The following MAN1B1 variants were observed in gnomAD, a reference collection of about 807,000 sequenced individuals.
MAN1B1 encodes the protein mannosidase alpha class 1B member 1.
A neutral mutation model predicts 75.5 loss-of-function variants in MAN1B1; 66 were observed. The observed-to-expected ratio is 0.87, with a 90% confidence interval of 0.72 to 1.07. The LOEUF is 1.07. Among genes scored for constraint, MAN1B1 ranks in the 50% least tolerant of loss-of-function variants. The pLI is 0.00. For missense variants in MAN1B1, 973 were observed against 912.5 expected (o/e 1.07, Z -0.85); for synonymous variants, 453 against 382.8 (o/e 1.18, Z -2.14).
At chr9:137,095,530 G>T (rs895850894) in intron 3 of MAN1B1, among the ~76,000 whole-genome samples, 1 of 152,134 alleles carries the variant, frequency 6.6e-6, no homozygotes, top group African/African-American at 2.4e-5. Flanking sequence ...ACCAGCCTGG[G>T]CAACATAAGG....
At position 137,107,428 on chromosome 9, in the gene MAN1B1, G is replaced by A. The variant is rs557278057; in HGVS notation, c.1745G>A (p.Arg582His). Residue 582 changes from arginine (R) to histidine (H), a missense_variant, in exon 11 of 13, where the codon CGT becomes CAT. By Grantham distance (29) the Arg-to-His change is conservative. Transcript: ENST00000371589. ...VHFNLYPQPGRRDVEVKPADR... is the reference protein window; with the variant it reads ...VHFNLYPQPGHRDVEVKPADR... The stretch of plus-strand genomic sequence containing the variant: ...TTCAACCTTTACCCCCAGCCGGGCC[G>A]TCGGGACGTGGAGGTCAAGGTGGGC... The A allele has an allele frequency of 4.8e-5, 77 of 1,613,422 alleles. No homozygotes were observed. The highest frequency in any genetic ancestry group is 5.5e-5 in the Non-Finnish European group (65 of 1,179,990).
At chr9:137,107,838 T>A (rs1349024102) in intron 12 of MAN1B1, 176 bp downstream of exon 12, 2 of 799,212 alleles carry the variant, frequency 2.5e-6, no homozygotes, top group Admixed American at 4.4e-5. Flanking sequence ...GGCATCCCCA[T>A]CCCCACTGAG....
At chr9:137,102,493 G>C in intron 8 of MAN1B1, 1 of 412,646 alleles carries the variant, frequency 2.4e-6, no homozygotes, top group Non-Finnish European at 4.7e-6. Flanking sequence ...TGTTGCAGGC[G>C]TGCAGGTCAG....
At chr9:137,087,689 G>A in intron 1 of MAN1B1, 1 of 404,700 alleles carries the variant, frequency 2.5e-6, no homozygotes, top group East Asian at 5.9e-5. Flanking sequence ...GGCTACATCT[G>A]TGGGAGTCGC....
intron 8 of MAN1B1, 59 bp from the exon 9 acceptor site, chr9:137,106,066 C>A: frequency 7.2e-7 from 1 of 1,396,232 alleles, no homozygotes; most frequent in Non-Finnish European, 1.0e-6. Flanking sequence ...AGCCCCTCTA[C>A]AGCTCACCCT....
At chr9:137,101,747 G>C in intron 8 of MAN1B1, 75 bp downstream of exon 8, 1 of 1,486,100 alleles carries the variant, frequency 6.7e-7, no homozygotes, top group Non-Finnish European at 9.2e-7. Flanking sequence ...GGTACTGTGT[G>C]TGTGTGTGTA....
intron 4 of MAN1B1, 146 bp downstream of exon 4, chr9:137,096,537 T>A (rs1302436669): frequency 1.7e-6 from 2 of 1,189,888 alleles, no homozygotes; most frequent in African/African-American, 3.1e-5. Context: ...TAACCTTAGA[T>A]TACAGAATCG....
chr9:137,103,412 T>G (rs1830965972), intron 8 of MAN1B1: 4 of 431,682 alleles, frequency 9.3e-6, no homozygotes, highest in South Asian at 1.6e-5. Context: ...GTCGGTGGTG[T>G]TACATTCACG....
chr9:137,095,674 G>T (rs571005483), intron 3 of MAN1B1, among the ~76,000 whole-genome samples: 5 of 152,330 alleles, frequency 3.3e-5, no homozygotes, highest in Admixed American at 1.3e-4. Context: ...CCGTGACACG[G>T]TCTGCAGCTT....
At chr9:137,099,426 A>C (rs1425069644) in intron 5 of MAN1B1, among the ~76,000 whole-genome samples, 1 of 152,208 alleles carries the variant, frequency 6.6e-6, no homozygotes, top group African/African-American at 2.4e-5. Context: ...GTGGAGGTGC[A>C]TGGGCCCCAG....
rs1831156261 is a variant in MAN1B1 at position 137,107,467 on chromosome 9, A to AG, written c.1764+23dup. ...GTCAAGGTGGGCCTGGGCCTGGGTC[A>AG]GGGTCCATCAGGAGGAGGGTGCTGG... On this transcript the variant is annotated intron_variant, in intron 11 of 12. Coordinates refer to ENST00000371589, the MANE Select transcript of MAN1B1 (RefSeq NM_016219.5). The AG allele has an allele frequency of 3.7e-6, 6 of 1,613,302 alleles. No homozygotes were observed. The highest frequency in any genetic ancestry group is 5.1e-6 in the Non-Finnish European group (6 of 1,179,970).
At chr9:137,094,772 C>G (rs913872781) in intron 3 of MAN1B1, among the ~76,000 whole-genome samples, 1 of 151,430 alleles carries the variant, frequency 6.6e-6, no homozygotes, top group Non-Finnish European at 1.5e-5. Context: ...CCCAGCTACT[C>G]AGGAGTCTGA....
intron 10 of MAN1B1, 109 bp from the exon 11 acceptor site, chr9:137,107,141 C>A: frequency 8.0e-7 from 1 of 1,244,168 alleles, no homozygotes; most frequent in Non-Finnish European, 1.1e-6. Flanking sequence ...CCTCCCCTCC[C>A]AGGGTACCAG....
chr9:137,099,290 C>T (rs1383072697), intron 5 of MAN1B1, among the ~76,000 whole-genome samples: 2 of 152,250 alleles, frequency 1.3e-5, no homozygotes, highest in Non-Finnish European at 2.9e-5. Context: ...GAGTTGGCAC[C>T]ACACTCACCC....
chr9:137,107,022 T>C (rs1831134732), intron 10 of MAN1B1: 2 of 748,880 alleles, frequency 2.7e-6, no homozygotes. Flanking sequence ...CCAGGGCAGC[T>C]CCCTCCCCGT....
At chr9:137,100,502 G>A (rs1830780215) in intron 6 of MAN1B1, among the ~76,000 whole-genome samples, 1 of 152,168 alleles carries the variant, frequency 6.6e-6, no homozygotes, top group South Asian at 2.1e-4. Context: ...TAACGCCCCA[G>A]ACATGGGTTT....
chr9:137,087,519 C>A, intron 1 of MAN1B1: 1 of 614,726 alleles, frequency 1.6e-6, no homozygotes, highest in Non-Finnish European at 3.0e-6. Flanking sequence ...GGCGCCTGCC[C>A]CTCTTGGAGC....
intron 3 of MAN1B1, among the ~76,000 whole-genome samples, chr9:137,092,898 C>T (rs10870177): frequency 0.27 from 40,675 of 152,080 alleles, 6,827 homozygotes; most frequent in Non-Finnish European, 0.38. Flanking sequence ...GGAAGCTGTC[C>T]GTGTCCTTTG....
At chr9:137,092,575 C>T (rs1379496632) in intron 3 of MAN1B1, among the ~76,000 whole-genome samples, 1 of 152,130 alleles carries the variant, frequency 6.6e-6, no homozygotes, top group Non-Finnish European at 1.5e-5. Flanking sequence ...TCTGTTGATT[C>T]TTTCTTCATT....
Sources: gnomAD v4.1 joint callset for allele counts (sites outside exome capture counted in the v4.1 genomes callset) on GRCh38, gnomAD v4.1.1 for gene constraint, MANE v1.5 for transcripts, NCBI Gene and HGNC (gene_info 2026-07-23, HGNC 2026-07-21) for gene names.